Variants in ABCB10 observed in about 807,000 individuals in gnomAD.
ABCB10 encodes ATP-binding cassette sub-family B member 10, mitochondrial.
Under a neutral mutation model 65.4 loss-of-function variants are expected in ABCB10, and 54 were observed. The observed-to-expected ratio is 0.83, with a 90% CI of 0.66 to 1.04. The LOEUF (loss-of-function observed/expected upper bound fraction) is 1.04. ABCB10 is among the 50% of genes least tolerant of loss of function. The pLI is 0.00. For synonymous variants in ABCB10, 418 were observed against 406.5 expected (o/e 1.03, Z -0.34); for missense variants, 846 against 976.6 (o/e 0.87, Z 1.78).
At position 229,544,476 on chromosome 1, in the gene ABCB10, C is replaced by T. The variant is rs552936210; in HGVS notation, c.922-2105G>A. On this transcript the variant is annotated intron_variant, in intron 3 of 12. Coordinates refer to ENST00000344517, the MANE Select transcript of ABCB10 (RefSeq NM_012089.3). ...GAAACACAACTTAATGGTGGGTAGGCCCACTATGTAAATTAATAAATTGGC... is the reference window on the plus strand; with the variant it reads ...GAAACACAACTTAATGGTGGGTAGGTCCACTATGTAAATTAATAAATTGGC... Among the ~76,000 whole-genome samples the T allele has an allele frequency of 4.6e-5, 7 of 151,420 alleles. No individual in the cohort carries two copies. In the South Asian group the frequency reaches 1.5e-3, roughly 32 times the overall value.
rs561419123 is a variant in ABCB10, at chr1:229,530,528, A to T, written c.1436-120T>A. 7.2e-5 allele frequency: 75 copies of T among 1,045,624 alleles called. No homozygotes were observed. The African/African-American group carries it at 1.1e-3, about 16-fold the overall frequency. The allele number at this position is 1,045,624 out of a possible 1,614,324, so 64.8% of individuals were successfully genotyped here. ...ACTCCACCACAGCTAATCCTGGTATATGAGCTCTTAAAGGGCAAGTCAGAA... is the reference window on the plus strand; with the variant it reads ...ACTCCACCACAGCTAATCCTGGTATTTGAGCTCTTAAAGGGCAAGTCAGAA... On this transcript the variant is annotated intron_variant, in intron 7 of 12. Transcript: ENST00000344517.
At position 229,529,295 on chromosome 1, in the gene ABCB10, C is replaced by CAAAAAAAAAAAAAAAAAAAAAAAAA. The variant is rs59264291; in HGVS notation, c.1645+879_1645+903dup. Among the ~76,000 whole-genome samples the CAAAAAAAAAAAAAAAAAAAAAAAAA allele has an allele frequency of 8.6e-5, 2 of 23,130 alleles. 1 individual carries two copies. The highest frequency in any genetic ancestry group is 1.5e-4 in the Non-Finnish European group (2 of 13,462). The allele number at this position is 23,130 out of a possible 152,430, so 15.2% of individuals were successfully genotyped here. On this transcript the variant is annotated intron_variant, in intron 8 of 12. Coordinates refer to ENST00000344517, the MANE Select transcript of ABCB10 (RefSeq NM_012089.3). ...TGGGCAACAGAGCAAGACTCCGTCT[C>CAAAAAAAAAAAAAAAAAAAAAAAAA]AAAAAAAAAAAAAAAAAAAAAAAAA... is the stretch of plus-strand genomic sequence containing the variant.
In ABCB10 at chr1:229,523,162, C is replaced by T. The variant is rs73097802; in HGVS notation, c.1907-1527G>A. 2.2e-3 allele frequency among the ~76,000 whole-genome samples: 336 copies of T among 152,258 alleles called. 4 individuals carry two copies. The highest frequency in any genetic ancestry group is 6.2e-4 in the Non-Finnish European group (42 of 68,012). On this transcript the variant is annotated intron_variant, in intron 10 of 12. Coordinates refer to ENST00000344517, the MANE Select transcript of ABCB10 (RefSeq NM_012089.3). The stretch of plus-strand genomic sequence containing the variant: ...TCAAATTCTACTAAAAGTGAGGGAA[C>T]AAACTGGAAGTAGGTGTGGGAGAAG...
At chr1:229,551,877 C>T (rs759625752) in intron 1 of ABCB10, among the ~76,000 whole-genome samples, 1 of 152,200 alleles carries the variant, frequency 6.6e-6, no homozygotes, top group African/African-American at 2.4e-5. Context: ...TCTGTTCTTT[C>T]GCCTCAGTGA....
In ABCB10 at chr1:229,540,719, C is replaced by T; in HGVS notation, c.1090G>A (p.Val364Ile). The T allele has an allele frequency of 6.2e-7, 1 of 1,613,694 alleles. No homozygotes were observed. The highest frequency in any genetic ancestry group is 8.5e-7 in the Non-Finnish European group (1 of 1,179,970). Residue 364 changes from valine to isoleucine, a missense_variant, in exon 5 of 13, where the codon GTT becomes ATT. Coordinates refer to ENST00000344517, the MANE Select transcript of ABCB10 (RefSeq NM_012089.3). ...GTCATTTCTTTCCCAAAAGCTCGAA[C>T]AGTTCTTACATTTCCAATACGTTCC... The part of the protein sequence containing the change: ...AEERIGNVRT[V>I]RAFGKEMTEI...
At chr1:229,519,687 G>C (rs1662256347) in intron 11 of ABCB10, among the ~76,000 whole-genome samples, 1 of 152,228 alleles carries the variant, frequency 6.6e-6, no homozygotes, top group South Asian at 2.1e-4. Flanking sequence ...TACTCTGGAT[G>C]CTGAGGCAGG....
intron 2 of ABCB10, among the ~76,000 whole-genome samples, chr1:229,548,962 G>C (rs930904464): frequency 6.6e-6 from 1 of 152,062 alleles, no homozygotes; most frequent in African/African-American, 2.4e-5. Flanking sequence ...CACCCAGCCC[G>C]AGGGGCTTAT....
Position 229,522,530 on chromosome 1 carries a change from A to G in ABCB10, c.1907-895T>C, listed in dbSNP as rs538153257. ...CCTGACTAATCTTTTTAAAAATCCT[A>G]TGAGACAGACCCTATAATTATTCCC... is the stretch of plus-strand genomic sequence containing the variant. On this transcript the variant is annotated intron_variant, in intron 10 of 12. Coordinates refer to ENST00000344517, the MANE Select transcript of ABCB10 (RefSeq NM_012089.3). 1.1e-4 allele frequency among the ~76,000 whole-genome samples: 17 copies of G among 152,330 alleles called. No homozygotes were observed. In the East Asian group the frequency reaches 3.3e-3, roughly 29 times the overall value.
chr1:229,551,080 A>G (rs1312588895), intron 1 of ABCB10, among the ~76,000 whole-genome samples: 2 of 152,180 alleles, frequency 1.3e-5, no homozygotes, highest in Non-Finnish European at 1.5e-5. Context: ...CACCCAGCAA[A>G]AAGTATTACT....
rs59228163 is a variant in ABCB10 at position 229,518,709 on chromosome 1, C to T, written c.1985+132G>A. 5.2e-3 allele frequency: 4,306 copies of T among 834,598 alleles called. 136 individuals are homozygous for T. In the African/African-American group the frequency reaches 0.064, roughly 12 times the overall value. The allele number at this position is 834,598 out of a possible 1,614,324, so 51.7% of individuals were successfully genotyped here. Reference sequence around the variant, plus strand: ...AACTGTCATTATTAATTCAGCTTCCCTCACTTTAGAGTAAAGGGGGGAAAA... The same window carrying T: ...AACTGTCATTATTAATTCAGCTTCCTTCACTTTAGAGTAAAGGGGGGAAAA... On this transcript the variant is annotated intron_variant, in intron 12 of 12. Coordinates refer to ENST00000344517, the MANE Select transcript of ABCB10 (RefSeq NM_012089.3).
chr1:229,547,215 C>T (rs1662991119), intron 3 of ABCB10, among the ~76,000 whole-genome samples: 1 of 152,220 alleles, frequency 6.6e-6, no homozygotes. Context: ...CTACCTGATG[C>T]TCTTTTCTGC....
At chr1:229,521,436 C>T (rs186656454) in intron 11 of ABCB10, among the ~76,000 whole-genome samples, 156 bp downstream of exon 11, 1 of 151,358 alleles carries the variant, frequency 6.6e-6, no homozygotes, top group East Asian at 1.9e-4. Flanking sequence ...ACTACACTAA[C>T]TTACCTTTCA....
rs1465848812 is a variant in ABCB10 at position 229,539,531 on chromosome 1, C to G, written c.1264G>C (p.Gly422Arg). 1 of 1,613,954 alleles carries G rather than the reference C, an allele frequency of 6.2e-7. No homozygotes were observed. Among genetic ancestry groups the G allele is most frequent in the Non-Finnish European group, 8.5e-7 (1 of 1,179,998 alleles). Reference sequence around the variant, plus strand: ...TCACCCACGGTCATGTGGGCACTGCCCATCAGCAGCCCTCCTTTGTACAGG... The same window carrying G: ...TCACCCACGGTCATGTGGGCACTGCGCATCAGCAGCCCTCCTTTGTACAGG... ...SVLYKGGLLMGSAHMTVGELS... is the reference protein window; with the variant it reads ...SVLYKGGLLMRSAHMTVGELS... Residue 422 changes from glycine to arginine, a missense_variant, in exon 6 of 13, where the codon GGC becomes CGC. Physicochemically the swap from Gly to Arg is moderately radical, Grantham distance 125. Coordinates refer to ENST00000344517, the MANE Select transcript of ABCB10 (RefSeq NM_012089.3).
Position 229,517,418 on chromosome 1 carries a change from C to T in ABCB10, c.*761G>A, listed in dbSNP as rs1265898647. The T allele has an allele frequency of 6.6e-6, 1 of 152,188 alleles. No individual in the cohort carries two copies. Among genetic ancestry groups the T allele is most frequent in the Admixed American group, 6.5e-5 (1 of 15,286 alleles). 9.4% of individuals were successfully genotyped at this position (152,188 alleles called of 1,614,324 possible). A position where few individuals can be genotyped will look rare whatever the true frequency, so the allele number is the denominator to read the frequency against. On this transcript the variant is annotated 3_prime_UTR_variant, in exon 13 of 13. Transcript: ENST00000344517. ...CAAAAATCATTCATTCTTAATAATA[C>T]CTAGCAGTTCATGCCTTGCTTCGCA...
At chr1:229,556,767 G>A (rs959400914) in intron 1 of ABCB10, among the ~76,000 whole-genome samples, 4 of 152,160 alleles carry the variant, frequency 2.6e-5, no homozygotes, top group Admixed American at 6.6e-5. Flanking sequence ...AGTGGTGGGC[G>A]CACCCGATGA....
intron 6 of ABCB10, among the ~76,000 whole-genome samples, chr1:229,536,030 G>A (rs565298112): frequency 6.6e-6 from 1 of 152,086 alleles, no homozygotes; most frequent in East Asian, 1.9e-4. Context: ...CCAGCTGTAG[G>A]TTCATTAATT....
At chr1:229,528,847 C>T (rs1316748195) in intron 8 of ABCB10, among the ~76,000 whole-genome samples, 1 of 152,064 alleles carries the variant, frequency 6.6e-6, no homozygotes, top group African/African-American at 2.4e-5. Flanking sequence ...TTTCTAAATT[C>T]ATGATTTGAT....
intron 6 of ABCB10, among the ~76,000 whole-genome samples, chr1:229,532,457 C>T (rs1662607577): frequency 6.6e-6 from 1 of 151,984 alleles, no homozygotes; most frequent in Non-Finnish European, 1.5e-5. Context: ...AAAGACAAAT[C>T]CACAAAATAA....
At chr1:229,541,229 T>C (rs1662834266) in intron 4 of ABCB10, among the ~76,000 whole-genome samples, 1 of 152,182 alleles carries the variant, frequency 6.6e-6, no homozygotes. Flanking sequence ...TATTTTTTAT[T>C]TTTCTTTTTT....
Sources: gnomAD v4.1 joint callset for allele counts (sites outside exome capture counted in the v4.1 genomes callset) on GRCh38, gnomAD v4.1.1 for gene constraint, MANE v1.5 for transcripts, NCBI Gene and HGNC (gene_info 2026-07-23, HGNC 2026-07-21) for gene names.